SETDB1: variants seen among roughly 807,000 people sequenced by gnomAD.
SETDB1 encodes SET domain bifurcated histone lysine methyltransferase 1.
Under a neutral mutation model 137.4 loss-of-function variants are expected in SETDB1, and 31 were observed. The ratio of observed to expected loss-of-function variants is 0.23; its 90% CI spans 0.17 to 0.30. The LOEUF is 0.30. SETDB1 is among the 10% of genes least tolerant of loss of function. The pLI, the probability that SETDB1 is intolerant of heterozygous loss-of-function variation, is 1.00. For missense variants in SETDB1, 1,113 were observed against 1,631.5 expected (o/e 0.68, Z 5.47); for synonymous variants, 548 against 579.9 (o/e 0.95, Z 0.79).
chr1:150,960,645 G>C lies in SETDB1; in HGVS notation c.2586G>C (p.Glu862Asp). Residue 862 changes from glutamate to aspartate, a missense_variant, in exon 16 of 22, where the codon GAG (glutamate) becomes GAC (aspartate). Glu to Asp is a conservative substitution (Grantham distance 45, BLOSUM62 2). Transcript: ENST00000692827. ...DEYFANLDHIESVENFKEGYE... is the reference protein window; with the variant it reads ...DEYFANLDHIDSVENFKEGYE... The stretch of plus-strand genomic sequence containing the variant: ...ACTTTGCAAATCTGGACCATATCGA[G>C]AGCGTGGAGAACTTCAAAGAAGGAT... The C allele has an allele frequency of 6.2e-7, 1 of 1,614,036 alleles. No individual in the cohort carries two copies. Among genetic ancestry groups the C allele is most frequent in the Non-Finnish European group, 8.5e-7 (1 of 1,180,006 alleles).
chr1:150,952,649 C>T (rs1453333861), intron 14 of SETDB1, among the ~76,000 whole-genome samples: 2 of 151,684 alleles, frequency 1.3e-5, no homozygotes, highest in Admixed American at 6.6e-5. Flanking sequence ...GAGGCTGAGG[C>T]GGGCGGATCA....
intron 3 of SETDB1, 73 bp from the exon 4 acceptor site, chr1:150,939,867 A>G: frequency 9.5e-7 from 1 of 1,052,842 alleles, no homozygotes; most frequent in Non-Finnish European, 1.4e-6. Context: ...CTTTTGAGTA[A>G]GTTAGTTCTT....
chr1:150,959,533 G>A (rs764487284), intron 15 of SETDB1, among the ~76,000 whole-genome samples, 186 bp downstream of exon 15: 27 of 152,064 alleles, frequency 1.8e-4, no homozygotes, highest in Non-Finnish European at 3.7e-4. Context: ...GGACACAAGT[G>A]TTTCACAAAT....
chr1:150,926,931 C>T, intron 1 of SETDB1: 1 of 476,670 alleles, frequency 2.1e-6, no homozygotes, highest in South Asian at 1.5e-5. Flanking sequence ...CACATGGAAG[C>T]AAAGTAATAT....
intron 10 of SETDB1, among the ~76,000 whole-genome samples, 186 bp from the exon 11 acceptor site, chr1:150,948,936 C>T (rs587733383): frequency 6.6e-6 from 1 of 152,170 alleles, no homozygotes; most frequent in South Asian, 2.1e-4. Flanking sequence ...CCAGGCTGGT[C>T]TCAAACTCAT....
chr1:150,945,278 G>C, intron 9 of SETDB1, 170 bp downstream of exon 9: 1 of 1,452,286 alleles, frequency 6.9e-7, no homozygotes, highest in South Asian at 1.5e-5. Context: ...TTGTTCCTCT[G>C]CAGGTCATTG....
At chr1:150,948,908 G>A (rs904264250) in intron 10 of SETDB1, among the ~76,000 whole-genome samples, 1 of 151,686 alleles carries the variant, frequency 6.6e-6, no homozygotes, top group Non-Finnish European at 1.5e-5. Flanking sequence ...TAGTAGAGAC[G>A]GGGTTTCACC....
At position 150,940,293 on chromosome 1, in the gene SETDB1, C is replaced by T. The variant is rs189618021; in HGVS notation, c.447+319C>T. 5.9e-5 allele frequency among the ~76,000 whole-genome samples: 9 copies of T among 152,210 alleles called. No individual in the cohort carries two copies. In the East Asian group the frequency reaches 1.4e-3, roughly 23 times the overall value. ...AGCAAGGGCAGCTTTGGGCTGGGCA[C>T]ATTGGCTCACGACTGTAATCCCAGC... On this transcript the variant is annotated intron_variant, in intron 4 of 21. Coordinates refer to ENST00000692827, the MANE Select transcript of SETDB1 (RefSeq NM_001366418.1).
rs1670746885 is a variant in SETDB1, at chr1:150,959,309, A to G, written c.2465A>G (p.Asp822Gly). 6.2e-7 allele frequency: 1 copy of G among 1,608,294 alleles called. No homozygotes were observed. The change falls in exon 15 of 22, where the codon GAT (aspartate) becomes GGT (glycine). Residue 822 changes from aspartate (D) to glycine (G), a missense_variant. Physicochemically the swap from Asp to Gly is moderately conservative, Grantham distance 94. Around this residue, in one of 11 missense-constraint regions of SETDB1, gnomAD observed 25 missense variants for 102.1 expected, o/e 0.24. Transcript: ENST00000692827. The stretch of plus-strand genomic sequence containing the variant: ...AAGGGCTGGGGTATCCGCTGCTTGG[A>G]TGACATTGCCAAAGGCTCTTTTGTT... The part of the protein sequence containing the change: ...QNKGWGIRCL[D>G]DIAKGSFVCI...
At chr1:150,928,460 C>CT (rs1276550552) in intron 2 of SETDB1, among the ~76,000 whole-genome samples, 4 of 152,142 alleles carry the variant, frequency 2.6e-5, no homozygotes, top group African/African-American at 9.7e-5. Context: ...CTCCTGTGCT[C>CT]TATCTTAGAA....
chr1:150,951,164 TTG>T (rs1212574305), intron 13 of SETDB1, 74 bp downstream of exon 13: 1 of 1,479,648 alleles, frequency 6.8e-7, no homozygotes, highest in Non-Finnish European at 9.2e-7. Flanking sequence ...TTCCTTTGCC[TTG>T]TATCTGTACT....
At chr1:150,933,072 G>A (rs202185615) in intron 3 of SETDB1, among the ~76,000 whole-genome samples, 3 of 138,156 alleles carry the variant, frequency 2.2e-5, no homozygotes, top group East Asian at 2.2e-4. Context: ...TGAATGAATT[G>A]ATTGATTGAC....
intron 14 of SETDB1, among the ~76,000 whole-genome samples, chr1:150,955,699 T>C (rs1670615209): frequency 6.6e-6 from 1 of 152,230 alleles, no homozygotes; most frequent in Non-Finnish European, 1.5e-5. Flanking sequence ...TTTTCTTTTT[T>C]TCTATTATAT....
rs587771505 is a variant in SETDB1, at chr1:150,934,460, G to A, written c.412+4342G>A. ...TGCACTCCAGCCTGGGCGACAGAGC[G>A]AGACTCCATCTCAAAAAATATATAT... On this transcript the variant is annotated intron_variant, in intron 3 of 21. Transcript: ENST00000692827. Among the ~76,000 whole-genome samples, 93 of 152,188 alleles carry A rather than the reference G, an allele frequency of 6.1e-4. 1 individual carries two copies. Among genetic ancestry groups the A allele is most frequent in the Middle Eastern group, 6.8e-3 (2 of 294 alleles).
intron 8 of SETDB1, 171 bp downstream of exon 8, chr1:150,944,164 G>A (rs1435200902): frequency 1.6e-6 from 1 of 610,310 alleles, no homozygotes; most frequent in African/African-American, 1.8e-5. Flanking sequence ...AAGAGATACA[G>A]TTTTATTGTT....
chr1:150,951,211 T>C, intron 13 of SETDB1, 121 bp downstream of exon 13: 1 of 1,239,172 alleles, frequency 8.1e-7, no homozygotes, highest in Admixed American at 2.1e-5. Context: ...CTCCCTCACC[T>C]GGAACTCCTG....
intron 3 of SETDB1, among the ~76,000 whole-genome samples, chr1:150,932,470 C>T (rs1033134396): frequency 6.6e-6 from 1 of 151,788 alleles, no homozygotes; most frequent in Admixed American, 6.6e-5. Flanking sequence ...TTTTTAAAAT[C>T]TTTTATTTTG....
Position 150,927,949 on chromosome 1 carries a change from G to T in SETDB1, c.235G>T (p.Asp79Tyr). Reference protein sequence around the residue: ...IQKESEVAHVDQLFDDASRAV... With the variant: ...IQKESEVAHVYQLFDDASRAV... The stretch of plus-strand genomic sequence containing the variant: ...GAAAGAATCTGAGGTGGCTCACGTT[G>T]ACCAACTCTTTGATGATGCATCCAG... Residue 79 changes from aspartate to tyrosine, a missense_variant, in exon 2 of 22, where the codon GAC becomes TAC. Asp to Tyr is a radical substitution (Grantham distance 160, BLOSUM62 -3). This residue lies in a region of SETDB1 where 159 missense variants were observed against 188.6 expected (regional missense o/e 0.84). Coordinates refer to ENST00000692827, the MANE Select transcript of SETDB1 (RefSeq NM_001366418.1). 2 of 1,614,156 alleles carry T rather than the reference G, an allele frequency of 1.2e-6. No individual in the cohort carries two copies. Among genetic ancestry groups the T allele is most frequent in the South Asian group, 2.2e-5 (2 of 91,052 alleles).
chr1:150,929,279 C>T (rs1025321159), intron 2 of SETDB1, among the ~76,000 whole-genome samples: 48 of 152,220 alleles, frequency 3.2e-4, no homozygotes, highest in Admixed American at 1.2e-3. Flanking sequence ...TTTTAATGAT[C>T]GCCATTCTAA....
Sources: allele counts gnomAD v4.1 joint callset (sites outside exome capture counted in the v4.1 genomes callset), GRCh38; gene constraint gnomAD v4.1.1; regional missense constraint gnomAD v4.1.1; transcripts MANE v1.5; gene names NCBI Gene and HGNC (gene_info 2026-07-23, HGNC 2026-07-21).